The following PPARGC1A variants were observed in gnomAD, a reference collection of about 807,000 sequenced individuals.
PPARGC1A encodes PPARG coactivator 1 alpha.
A neutral mutation model predicts 88.7 loss-of-function variants in PPARGC1A; 25 were observed. The ratio of observed to expected loss-of-function variants is 0.28; its 90% CI spans 0.21 to 0.39. The LOEUF (loss-of-function observed/expected upper bound fraction) is 0.39. Among genes scored for constraint, PPARGC1A ranks in the 10% least tolerant of loss-of-function variants. The pLI, the probability that PPARGC1A is intolerant of heterozygous loss-of-function variation, is 1.00. For missense variants in PPARGC1A, 880 were observed against 968.7 expected (o/e 0.91, Z 1.22); for synonymous variants, 363 against 355.6 (o/e 1.02, Z -0.24).
the PPARGC1A span, among the ~76,000 whole-genome samples, chr4:24,165,434 A>G: frequency 6.6e-6 from 1 of 152,208 alleles, no homozygotes; most frequent in African/African-American, 2.4e-5. Flanking sequence ...TGACATAAGC[A>G]AGATACCAAT....
chr4:23,906,441 T>G (rs943833853), upstream of PPARGC1A, among the ~76,000 whole-genome samples: 1 of 151,780 alleles, frequency 6.6e-6, no homozygotes, highest in African/African-American at 2.4e-5. Context: ...GGTGAAACCC[T>G]GTATCTACTA....
chr4:24,405,325 C>A, the PPARGC1A span, among the ~76,000 whole-genome samples: 2 of 151,952 alleles, frequency 1.3e-5, no homozygotes, highest in Admixed American at 6.6e-5. Flanking sequence ...CCCCTCCCCC[C>A]AAAAAGTTTT....
At chr4:24,328,483 A>G in the PPARGC1A span, among the ~76,000 whole-genome samples, 2 of 152,172 alleles carry the variant, frequency 1.3e-5, no homozygotes, top group African/African-American at 4.8e-5. Context: ...CATGTTCCAC[A>G]TTTTTAACCC....
At chr4:24,361,859 A>T in the PPARGC1A span, among the ~76,000 whole-genome samples, 8 of 152,320 alleles carry the variant, frequency 5.3e-5, 1 homozygote, top group East Asian at 1.5e-3. Flanking sequence ...ACGGCCTCAG[A>T]GGCTCCAGGC....
chr4:23,987,512 A>T, the PPARGC1A span, among the ~76,000 whole-genome samples: 3 of 151,918 alleles, frequency 2.0e-5, no homozygotes, highest in Non-Finnish European at 2.9e-5. Context: ...CTCTCCCAGC[A>T]TCCACCTAAT....
At chr4:24,207,197 A>G in the PPARGC1A span, among the ~76,000 whole-genome samples, 1 of 152,174 alleles carries the variant, frequency 6.6e-6, no homozygotes, top group East Asian at 1.9e-4. Flanking sequence ...ATACCTAAAG[A>G]GAGGTTACTC....
At chr4:23,903,404 C>T (rs1719651363), upstream of PPARGC1A, among the ~76,000 whole-genome samples, 1 of 152,140 alleles carries the variant, frequency 6.6e-6, no homozygotes, top group East Asian at 1.9e-4. Flanking sequence ...AGATGCATGG[C>T]ATTATTAAAA....
At chr4:24,374,249 C>T in the PPARGC1A span, among the ~76,000 whole-genome samples, 3 of 152,186 alleles carry the variant, frequency 2.0e-5, no homozygotes, top group African/African-American at 7.2e-5. Flanking sequence ...GCCTCTATCC[C>T]TGGCTGCTGG....
chr4:23,850,394 A>G lies in PPARGC1A; in HGVS notation c.235-18643T>C, dbSNP rs372850045. On this transcript the variant is annotated intron_variant, in intron 2 of 12. Coordinates refer to ENST00000264867, the MANE Select transcript of PPARGC1A (RefSeq NM_013261.5). The stretch of plus-strand genomic sequence containing the variant: ...TCAGAGTAATATTGTCATAAAGGCC[A>G]AGTGAAAACAACCACGATCTACCAG... Among the ~76,000 whole-genome samples the G allele has an allele frequency of 5.9e-5, 9 of 152,312 alleles. No individual in the cohort carries two copies. In the East Asian group the frequency reaches 1.2e-3, roughly 20 times the overall value.
the PPARGC1A span, among the ~76,000 whole-genome samples, chr4:24,430,997 G>A: frequency 6.6e-6 from 1 of 151,770 alleles, no homozygotes; most frequent in Non-Finnish European, 1.5e-5. Flanking sequence ...GGTGGCGGGT[G>A]CCTGGTAATC....
At chr4:23,984,279 C>A in the PPARGC1A span, among the ~76,000 whole-genome samples, 1 of 151,998 alleles carries the variant, frequency 6.6e-6, no homozygotes, top group South Asian at 2.1e-4. Context: ...TCTCATAGAT[C>A]TTTTTACTTC....
chr4:23,919,082 T>C, the PPARGC1A span, among the ~76,000 whole-genome samples: 2 of 152,112 alleles, frequency 1.3e-5, no homozygotes, highest in African/African-American at 4.8e-5. Context: ...GCCTCACCCT[T>C]CTCTAATTTC....
chr4:24,180,727 C>T, the PPARGC1A span, among the ~76,000 whole-genome samples: 7 of 152,132 alleles, frequency 4.6e-5, no homozygotes, highest in African/African-American at 1.7e-4. Context: ...ATCACAGGCC[C>T]TTACATGACT....
At chr4:24,352,647 C>G in the PPARGC1A span, among the ~76,000 whole-genome samples, 896 of 152,300 alleles carry the variant, frequency 5.9e-3, 8 homozygotes, top group Non-Finnish European at 9.5e-3. Context: ...TTCTCCAAAC[C>G]AACCCATGAG....
chr4:24,106,423 C>T, the PPARGC1A span, among the ~76,000 whole-genome samples: 1 of 152,144 alleles, frequency 6.6e-6, no homozygotes, highest in Non-Finnish European at 1.5e-5. Context: ...GATTCAGGGG[C>T]AGGTCGAATG....
chr4:24,143,263 A>C, the PPARGC1A span, among the ~76,000 whole-genome samples: 1 of 152,128 alleles, frequency 6.6e-6, no homozygotes, highest in Non-Finnish European at 1.5e-5. Context: ...TGGGGATGTC[A>C]TGGTGTAGGG....
the PPARGC1A span, among the ~76,000 whole-genome samples, chr4:24,002,097 C>CACACACACAGAGAGAGAG: frequency 8.0e-6 from 1 of 125,324 alleles, no homozygotes; most frequent in African/African-American, 3.3e-5. Flanking sequence ...CACACACACA[C>CACACACACAGAGAGAGAG]AGAGAGAGAG....
the PPARGC1A span, among the ~76,000 whole-genome samples, chr4:23,912,072 GA>G: frequency 6.6e-6 from 1 of 152,170 alleles, no homozygotes; most frequent in East Asian, 1.9e-4. Context: ...TATGAGAAAT[GA>G]ATTTTTTAAG....
chr4:23,844,786 A>ATAATATATGATATATC (rs1491110826), intron 2 of PPARGC1A, among the ~76,000 whole-genome samples: 2 of 20,682 alleles, frequency 9.7e-5, no homozygotes, highest in African/African-American at 5.4e-4. Flanking sequence ...TATATATTAT[A>ATAATATATGATATATC]ATAATATATG....
Sources: allele counts gnomAD v4.1 joint callset (sites outside exome capture counted in the v4.1 genomes callset), GRCh38; gene constraint gnomAD v4.1.1; transcripts MANE v1.5; gene names NCBI Gene and HGNC (gene_info 2026-07-23, HGNC 2026-07-21).